The following SIRT4 variants were observed in gnomAD, a reference collection of about 807,000 sequenced individuals.
SIRT4 encodes the protein sirtuin 4, also known as NAD-dependent protein lipoamidase sirtuin-4, mitochondrial.
Under a neutral mutation model 26.1 loss-of-function variants are expected in SIRT4, and 23 were observed. The observed-to-expected ratio is 0.88, with a 90% CI of 0.63 to 1.25. SIRT4 has a LOEUF of 1.25. Ranked by LOEUF, SIRT4 falls within the 50% of genes most tolerant of loss-of-function variation. The pLI is 0.00. For synonymous variants in SIRT4, 155 were observed against 158.4 expected (o/e 0.98, Z 0.16); for missense variants, 361 against 405.4 (o/e 0.89, Z 0.94).
At chr12:120,292,714 A>G in the SIRT4 span, among the ~76,000 whole-genome samples, 7 of 150,666 alleles carry the variant, frequency 4.6e-5, no homozygotes, top group South Asian at 1.5e-3. Flanking sequence ...TCCAACTTTC[A>G]CAAACGGAAA....
At position 120,308,888 on chromosome 12, in the gene SIRT4, C is replaced by T. The variant is rs149303317; in HGVS notation, c.498-3568C>T. 2.4e-3 allele frequency among the ~76,000 whole-genome samples: 366 copies of T among 152,066 alleles called. 2 individuals are homozygous for T. Among genetic ancestry groups the T allele is most frequent in the African/African-American group, 8.5e-3 (354 of 41,474 alleles). The stretch of plus-strand genomic sequence containing the variant: ...ATGGATTCATTAAAACAATTTTTTC[C>T]GCCGGGCGTGGTGGCTCATGCCTGT... On this transcript the variant is annotated intron_variant, in intron 2 of 3. Transcript: ENST00000202967.
rs766884688 is a variant in SIRT4, at chr12:120,303,814, A to C, written c.253A>C (p.Thr85Pro). 3.1e-6 allele frequency: 5 copies of C among 1,614,166 alleles called. No individual in the cohort carries two copies. Among genetic ancestry groups the C allele is most frequent in the Non-Finnish European group, 4.2e-6 (5 of 1,180,016 alleles). The change falls in exon 2 of 4, where the codon ACT becomes CCT. Residue 85 changes from threonine (T) to proline (P), a missense_variant. Physicochemically the swap from Thr to Pro is conservative, Grantham distance 38 (BLOSUM62 -1). Coordinates refer to ENST00000202967, the MANE Select transcript of SIRT4 (RefSeq NM_012240.3). ...AGAAAAAGTGGGGCTTTATGCCCGCACTGACCGCAGGCCCATCCAGCATGG... is the reference window on the plus strand; with the variant it reads ...AGAAAAAGTGGGGCTTTATGCCCGCCCTGACCGCAGGCCCATCCAGCATGG... ...RSEKVGLYAR[T>P]DRRPIQHGDF...
intron 2 of SIRT4, among the ~76,000 whole-genome samples, chr12:120,308,639 G>A (rs183946987): frequency 9.0e-4 from 137 of 152,268 alleles, no homozygotes; most frequent in African/African-American, 3.1e-3. Flanking sequence ...AGATTGTCTG[G>A]GAAAGTTAGG....
At chr12:120,291,974 C>T in the SIRT4 span, 1 of 152,126 alleles carries the variant, frequency 6.6e-6, no homozygotes, top group Non-Finnish European at 1.5e-5. Flanking sequence ...GAGTGCCTGC[C>T]CGTGTGTCCG....
At chr12:120,311,467 C>A (rs111629046) in intron 2 of SIRT4, among the ~76,000 whole-genome samples, 1 of 151,934 alleles carries the variant, frequency 6.6e-6, no homozygotes, top group African/African-American at 2.4e-5. Context: ...TGCAGTGGCT[C>A]ACACCTGTAA....
At chr12:120,303,510 G>GAAA (rs201703830) in intron 1 of SIRT4, 51 bp from the exon 2 acceptor site, 2,980 of 1,242,396 alleles carry the variant, frequency 2.4e-3, no homozygotes, top group Admixed American at 0.011. Flanking sequence ...CAAAAAATGA[G>GAAA]AAAAAAAAAA....
chr12:120,304,744 G>C (rs1474834421), intron 2 of SIRT4, among the ~76,000 whole-genome samples: 4 of 149,322 alleles, frequency 2.7e-5, no homozygotes, highest in Non-Finnish European at 5.9e-5. Flanking sequence ...GAGGCTAACA[G>C]TTCAGGACCA....
At chr12:120,293,129 C>G in the SIRT4 span, 1 of 152,112 alleles carries the variant, frequency 6.6e-6, no homozygotes, top group Non-Finnish European at 1.5e-5. Flanking sequence ...TTGCCAGTGC[C>G]GACTATATTG....
chr12:120,312,534 G>C lies in SIRT4; in HGVS notation c.576G>C (p.Trp192Cys). 1 of 1,614,162 alleles carries C rather than the reference G, an allele frequency of 6.2e-7. No homozygotes were observed. Among genetic ancestry groups the C allele is most frequent in the Non-Finnish European group, 8.5e-7 (1 of 1,180,038 alleles). ...GTTTCCAAGTCCTGAACCCCACCTGGAGTGCTGAGGCCCATGGCCTGGCTC... is the reference window on the plus strand; with the variant it reads ...GTTTCCAAGTCCTGAACCCCACCTGCAGTGCTGAGGCCCATGGCCTGGCTC... ...QERFQVLNPTWSAEAHGLAPD... is the reference protein window; with the variant it reads ...QERFQVLNPTCSAEAHGLAPD... Residue 192 changes from tryptophan (W) to cysteine (C), a missense_variant, in exon 3 of 4, where the codon TGG (tryptophan) becomes TGC (cysteine). Trp to Cys is a radical substitution (Grantham distance 215, BLOSUM62 -2). Coordinates refer to ENST00000202967, the MANE Select transcript of SIRT4 (RefSeq NM_012240.3).
chr12:120,292,612 T>C, the SIRT4 span, among the ~76,000 whole-genome samples: 1 of 144,408 alleles, frequency 6.9e-6, no homozygotes, highest in South Asian at 2.2e-4. Context: ...AAAACAACAG[T>C]GCGAGAGAAA....
At chr12:120,310,568 G>C (rs565620404) in intron 2 of SIRT4, among the ~76,000 whole-genome samples, 6 of 151,932 alleles carry the variant, frequency 3.9e-5, no homozygotes, top group African/African-American at 1.2e-4. Context: ...TGGCTGACTA[G>C]AACTAAAAGG....
intron 2 of SIRT4, among the ~76,000 whole-genome samples, chr12:120,309,137 G>A (rs1872857626): frequency 6.6e-6 from 1 of 152,010 alleles, no homozygotes; most frequent in African/African-American, 2.4e-5. Context: ...CAAGACTGTT[G>A]TGCCATTGCC....
At chr12:120,307,237 T>G (rs1021082338) in intron 2 of SIRT4, among the ~76,000 whole-genome samples, 2 of 152,134 alleles carry the variant, frequency 1.3e-5, no homozygotes, top group African/African-American at 4.8e-5. Flanking sequence ...ACACCTATAA[T>G]CCCAGCATTT....
the SIRT4 span, among the ~76,000 whole-genome samples, chr12:120,295,426 T>A: frequency 2.0e-4 from 28 of 142,632 alleles, no homozygotes; most frequent in African/African-American, 6.9e-4. Flanking sequence ...ATAATTTTTT[T>A]TTTTTTTTTT....
chr12:120,296,281 A>C, the SIRT4 span, among the ~76,000 whole-genome samples: 2 of 151,010 alleles, frequency 1.3e-5, no homozygotes, highest in Non-Finnish European at 2.9e-5. Context: ...GCAGTGGCGC[A>C]ATCTCGGCTC....
At chr12:120,292,989 C>T in the SIRT4 span, 3 of 152,238 alleles carry the variant, frequency 2.0e-5, no homozygotes, top group South Asian at 2.1e-4. Flanking sequence ...GACACTTCCC[C>T]ATCTCTCATT....
At chr12:120,294,307 C>G in the SIRT4 span, among the ~76,000 whole-genome samples, 1 of 140,320 alleles carries the variant, frequency 7.1e-6, no homozygotes, top group South Asian at 2.3e-4. Context: ...TTATTCTTGT[C>G]TATTTTTTTT....
At chr12:120,298,335 G>A (rs573021137), upstream of SIRT4, among the ~76,000 whole-genome samples, 12 of 152,070 alleles carry the variant, frequency 7.9e-5, no homozygotes, top group South Asian at 8.3e-4. Context: ...TCGGCCAGGC[G>A]CAGTAGCTCA....
chr12:120,312,998 C>G lies in SIRT4; in HGVS notation c.907C>G (p.Arg303Gly). 2 of 1,614,144 alleles carry G rather than the reference C, an allele frequency of 1.2e-6. No homozygotes were observed. Among genetic ancestry groups the G allele is most frequent in the South Asian group, 1.1e-5 (1 of 91,082 alleles). Residue 303 changes from arginine to glycine, a missense_variant, in exon 4 of 4, where the codon CGT becomes GGT. By Grantham distance (125) the Arg-to-Gly change is moderately radical (BLOSUM62 -2). Transcript: ENST00000202967. ...CTTGGCGTGTCTGAAACTGAATTCTCGTTGTGGAGAGTTGCTGCCTTTGAT... is the reference window on the plus strand; with the variant it reads ...CTTGGCGTGTCTGAAACTGAATTCTGGTTGTGGAGAGTTGCTGCCTTTGAT... ...DDLACLKLNS[R>G]CGELLPLIDP...
Sources: allele counts gnomAD v4.1 joint callset (sites outside exome capture counted in the v4.1 genomes callset), GRCh38; gene constraint gnomAD v4.1.1; transcripts MANE v1.5; gene names NCBI Gene and HGNC (gene_info 2026-07-23, HGNC 2026-07-21).